Variants in SNRPA observed in about 807,000 individuals in gnomAD.
SNRPA encodes U1 small nuclear ribonucleoprotein A.
A neutral mutation model predicts 24.5 loss-of-function variants in SNRPA; 10 were observed. That is an observed-to-expected ratio of 0.41 (90% CI 0.25 to 0.69). The LOEUF (loss-of-function observed/expected upper bound fraction) is 0.69. Among genes scored for constraint, SNRPA ranks in the 30% least tolerant of loss-of-function variants. The probability of loss-of-function intolerance (pLI) is 0.33; values close to 1 mark genes in which losing one functional copy is unlikely to be tolerated. For missense variants in SNRPA, 283 were observed against 394.7 expected, an observed-to-expected ratio of 0.72 and a Z score of 2.40; for synonymous variants, 165 against 148.4, an observed-to-expected ratio of 1.11 and a Z score of -0.81.
rs2082894167 is a variant in SNRPA, at chr19:40,753,416, AGGCAGAGTTT to A, written c.73+1936_73+1945del. 7.3e-4 allele frequency among the ~76,000 whole-genome samples: 19 copies of A among 26,176 alleles called. No homozygotes were observed. The South Asian group carries it at 0.021, about 29-fold the overall frequency. The allele number at this position is 26,176 out of a possible 152,430, so 17.2% of individuals were successfully genotyped here. A position where few individuals can be genotyped will look rare whatever the true frequency, so the allele number is the denominator to read the frequency against. ...TTTTTTTTTTTTTTTTTTTTTTTTG[AGGCAGAGTTT>A]CACTCTGTCACCCAGGCTGGAGTGC... On this transcript the variant is annotated intron_variant, in intron 1 of 5. Coordinates refer to ENST00000243563, the MANE Select transcript of SNRPA (RefSeq NM_004596.5).
intron 1 of SNRPA, 99 bp from the exon 2 acceptor site, chr19:40,757,233 G>C: frequency 2.6e-6 from 3 of 1,168,088 alleles, no homozygotes; most frequent in Non-Finnish European, 3.7e-6. Flanking sequence ...ATGGACCCGA[G>C]GCATTCTGGG....
chr19:40,759,756 C>G, intron 3 of SNRPA, 146 bp downstream of exon 3: 2 of 692,878 alleles, frequency 2.9e-6, no homozygotes, highest in Non-Finnish European at 4.6e-6. Flanking sequence ...GTTTCTCTCT[C>G]TCTTTTGGGG....
At position 40,752,210 on chromosome 19, in the gene SNRPA, G is replaced by T. The variant is rs1381438700; in HGVS notation, c.73+729G>T. Reference sequence around the variant, plus strand: ...AAATTAGCCGGGCATGGTGGCGCATGCCTATAATCCCAGCTACTCGGGAGG... The same window carrying T: ...AAATTAGCCGGGCATGGTGGCGCATTCCTATAATCCCAGCTACTCGGGAGG... On this transcript the variant is annotated intron_variant, in intron 1 of 5. Coordinates refer to ENST00000243563, the MANE Select transcript of SNRPA (RefSeq NM_004596.5). Among the ~76,000 whole-genome samples the T allele has an allele frequency of 2.0e-5, 3 of 151,994 alleles. No homozygotes were observed. In the South Asian group the frequency reaches 6.2e-4, roughly 31 times the overall value.
chr19:40,754,605 A>G (rs1239749701), intron 1 of SNRPA, among the ~76,000 whole-genome samples: 3 of 152,310 alleles, frequency 2.0e-5, no homozygotes, highest in South Asian at 4.1e-4. Flanking sequence ...AGCATTCTTA[A>G]CTTGGTCCAG....
At chr19:40,755,311 G>A (rs1336539700) in intron 1 of SNRPA, among the ~76,000 whole-genome samples, 1 of 120,306 alleles carries the variant, frequency 8.3e-6, no homozygotes, top group Non-Finnish European at 1.6e-5. Context: ...GGGTTTCACC[G>A]TCTTGGCCAG....
intron 4 of SNRPA, 189 bp downstream of exon 4, chr19:40,763,263 C>G: frequency 1.7e-6 from 1 of 599,122 alleles, no homozygotes. Context: ...TTGGAGGGTA[C>G]GGAAGGTTAG....
At chr19:40,759,401 T>G (rs1218310689) in intron 2 of SNRPA, 30 bp from the exon 3 acceptor site, 4 of 1,590,726 alleles carry the variant, frequency 2.5e-6, no homozygotes, top group African/African-American at 1.4e-5. Flanking sequence ...GAATCCACGC[T>G]CTTAACCCGT....
intron 3 of SNRPA, among the ~76,000 whole-genome samples, chr19:40,761,458 C>CTTCTTTTTTTTTTTTTTTTTTTTTT (rs2082931760): frequency 1.2e-5 from 1 of 85,860 alleles, no homozygotes; most frequent in Non-Finnish European, 2.2e-5. Context: ...TTTTCTTTTT[C>CTTCTTTTTTTTTTTTTTTTTTTTTT]TTTTTTTTTT....
At position 40,762,929 on chromosome 19, in the gene SNRPA, G is replaced by A. The variant is rs775040575; in HGVS notation, c.455G>A (p.Arg152His). ...PGMPPMTQAPRIMHHMPGQPP... is the reference protein window; with the variant it reads ...PGMPPMTQAPHIMHHMPGQPP... The stretch of plus-strand genomic sequence containing the variant: ...ATGCCGCCGATGACTCAGGCGCCCC[G>A]CATTATGCACCACATGCCGGGCCAG... Residue 152 changes from arginine to histidine, a missense_variant, in exon 4 of 6, where the codon CGC (arginine) becomes CAC (histidine). Arg to His is a conservative substitution (Grantham distance 29, BLOSUM62 0). Transcript: ENST00000243563. 1.2e-6 allele frequency: 2 copies of A among 1,613,682 alleles called. No individual in the cohort carries two copies. Among genetic ancestry groups the A allele is most frequent in the South Asian group, 1.1e-5 (1 of 91,058 alleles).
At position 40,757,471 on chromosome 19, in the gene SNRPA, C is replaced by T. The variant is rs376435515; in HGVS notation, c.213C>T (p.Ser71=). The T allele has an allele frequency of 1.2e-6, 2 of 1,613,260 alleles. No individual in the cohort carries two copies. Among genetic ancestry groups the T allele is most frequent in the Non-Finnish European group, 1.7e-6 (2 of 1,179,678 alleles). The part of the protein sequence containing the change: ...EVSSATNALR[S]MQGFPFYDKP... ...GCAGCGCCACCAACGCCCTGCGCTC[C>T]ATGCAGGGTTTCCCTTTCTATGACA... Residue 71 remains serine, a synonymous_variant, in exon 2 of 6, where the codon TCC becomes TCT. Coordinates refer to ENST00000243563, the MANE Select transcript of SNRPA (RefSeq NM_004596.5).
At position 40,759,437 on chromosome 19, in the gene SNRPA, C is replaced by T. The variant is rs763038967; in HGVS notation, c.253C>T (p.Gln85Ter). ...FPFYDKPMRI[Q>*]YAKTDSDIIA... is the part of the protein sequence containing the mutation. ...TCTGCTCTCTGTTTGGTAGCGTATC[C>T]AGTATGCCAAGACCGACTCAGATAT... is the stretch of plus-strand genomic sequence containing the variant. Residue 85 changes from glutamine to a stop codon, truncating the protein, a stop_gained, in exon 3 of 6, where the codon CAG (glutamine) becomes TAG (stop). Transcript: ENST00000243563. LOFTEE classifies it high-confidence loss of function. The T allele has an allele frequency of 6.2e-7, 1 of 1,612,038 alleles. No homozygotes were observed. Among genetic ancestry groups the T allele is most frequent in the Non-Finnish European group, 8.5e-7 (1 of 1,179,294 alleles).
At chr19:40,758,201 A>C (rs999867482) in intron 2 of SNRPA, among the ~76,000 whole-genome samples, 1 of 152,032 alleles carries the variant, frequency 6.6e-6, no homozygotes, top group Non-Finnish European at 1.5e-5. Context: ...TCCTGAGCTC[A>C]AGTGATCTGC....
intron 5 of SNRPA, among the ~76,000 whole-genome samples, chr19:40,763,930 G>C (rs1038400824): frequency 6.6e-6 from 1 of 152,216 alleles, no homozygotes; most frequent in African/African-American, 2.4e-5. Flanking sequence ...GGCTGAGGGA[G>C]TCCAGGCTCT....
chr19:40,751,347 G>T lies in SNRPA; in HGVS notation c.-62G>T. 7.7e-7 allele frequency: 1 copy of T among 1,297,262 alleles called. No individual in the cohort carries two copies. The highest frequency in any genetic ancestry group is 1.2e-5 in the South Asian group (1 of 84,672). The allele number at this position is 1,297,262 out of a possible 1,614,324, so 80.4% of individuals were successfully genotyped here. A position where few individuals can be genotyped will look rare whatever the true frequency, so the allele number is the denominator to read the frequency against. The stretch of plus-strand genomic sequence containing the variant: ...AGCCGACGTTGGGACAAAGGATTTG[G>T]AGAAACCCAGGGCTAAAGTCACGTT... On this transcript the variant is annotated 5_prime_UTR_variant, in exon 1 of 6. Transcript: ENST00000243563.
At chr19:40,760,067 C>T (rs1233252272) in intron 3 of SNRPA, among the ~76,000 whole-genome samples, 4 of 152,110 alleles carry the variant, frequency 2.6e-5, no homozygotes, top group African/African-American at 4.8e-5. Flanking sequence ...CTCACTGTCA[C>T]CCAGGTTGGA....
At chr19:40,758,327 A>G (rs979086931) in intron 2 of SNRPA, among the ~76,000 whole-genome samples, 5 of 152,040 alleles carry the variant, frequency 3.3e-5, no homozygotes, top group African/African-American at 7.2e-5. Flanking sequence ...GTTTTTGTCT[A>G]TTTTGTTCAT....
At chr19:40,764,464 G>A (rs1472962026) in intron 5 of SNRPA, among the ~76,000 whole-genome samples, 1 of 152,158 alleles carries the variant, frequency 6.6e-6, no homozygotes, top group Non-Finnish European at 1.5e-5. Context: ...GTAAACATGA[G>A]GATGGCTGCT....
intron 5 of SNRPA, among the ~76,000 whole-genome samples, chr19:40,763,985 G>A (rs1706812433): frequency 6.6e-6 from 1 of 152,228 alleles, no homozygotes; most frequent in African/African-American, 2.4e-5. Flanking sequence ...TGCAAGGCAA[G>A]GTATGTGTAA....
chr19:40,756,992 A>G (rs1266264442), intron 1 of SNRPA: 7 of 284,432 alleles, frequency 2.5e-5, no homozygotes, highest in African/African-American at 4.6e-5. Flanking sequence ...GAAATCTGCC[A>G]GGGCCACGTC....
Sources: allele counts gnomAD v4.1 joint callset (sites outside exome capture counted in the v4.1 genomes callset), GRCh38; gene constraint gnomAD v4.1.1; transcripts MANE v1.5; gene names NCBI Gene and HGNC (gene_info 2026-07-23, HGNC 2026-07-21).